Variants in DOCK3 observed in about 807,000 individuals in gnomAD.
DOCK3 encodes dedicator of cytokinesis 3, also known as dedicator of cytokinesis protein 3.
In DOCK3, 60 loss-of-function variants were observed where a neutral mutation model predicts 265.6. The observed-to-expected ratio is 0.23, with a 90% CI of 0.18 to 0.28. The LOEUF is 0.28. Among genes scored for constraint, DOCK3 ranks in the 10% least tolerant of loss-of-function variants. DOCK3 has a pLI of 1.00. For synonymous variants in DOCK3, 881 were observed against 938.0 expected, an observed-to-expected ratio of 0.94 and a Z score of 1.11; for missense variants, 1,981 against 2,594.3, an observed-to-expected ratio of 0.76 and a Z score of 5.14.
At chr3:51,356,919 TATC>T (rs1318047663) in intron 43 of DOCK3, 40 bp from the exon 44 acceptor site, 3 of 1,566,248 alleles carry the variant, frequency 1.9e-6, no homozygotes, top group Admixed American at 1.8e-5. Flanking sequence ...GATGAGGGGT[TATC>T]ATCATTTCTG....
intron 9 of DOCK3, among the ~76,000 whole-genome samples, chr3:51,094,423 A>AT (rs57116965): frequency 0.9 from 136,950 of 151,948 alleles, 61,897 homozygotes; most frequent in African/African-American, 0.95. Context: ...GAATTTATCC[A>AT]TTTTTTCTAT....
intron 9 of DOCK3, among the ~76,000 whole-genome samples, chr3:51,113,849 G>C (rs1330841819): frequency 6.6e-6 from 1 of 152,084 alleles, no homozygotes; most frequent in Non-Finnish European, 1.5e-5. Flanking sequence ...TGATTGTCAC[G>C]GCCTGTAATC....
intron 32 of DOCK3, among the ~76,000 whole-genome samples, chr3:51,321,425 C>T (rs996323849): frequency 3.9e-5 from 6 of 152,156 alleles, no homozygotes; most frequent in African/African-American, 1.4e-4. Flanking sequence ...TCTTCTCCTC[C>T]AGAGGATCAC....
At chr3:51,366,812 T>C (rs1487748945) in intron 49 of DOCK3, among the ~76,000 whole-genome samples, 1 of 152,238 alleles carries the variant, frequency 6.6e-6, no homozygotes, top group African/African-American at 2.4e-5. Flanking sequence ...AGTGAGTTTC[T>C]TAATCCTGAG....
intron 5 of DOCK3, among the ~76,000 whole-genome samples, chr3:50,948,640 GT>G (rs1462087672): frequency 8.1e-6 from 1 of 123,754 alleles, no homozygotes; most frequent in African/African-American, 3.0e-5. Context: ...TTTCCTCTTT[GT>G]TTCCTCTTTT....
chr3:51,254,763 C>G (rs1326523642), intron 22 of DOCK3, among the ~76,000 whole-genome samples: 2 of 152,112 alleles, frequency 1.3e-5, no homozygotes, highest in African/African-American at 2.4e-5. Flanking sequence ...ATGTGTGTCT[C>G]TGCATGTGAG....
At chr3:51,176,668 T>C (rs573202055) in intron 12 of DOCK3, among the ~76,000 whole-genome samples, 2 of 151,408 alleles carry the variant, frequency 1.3e-5, no homozygotes, top group African/African-American at 4.8e-5. Flanking sequence ...AAACATAGAG[T>C]CTTAATAAGG....
chr3:51,019,311 A>G lies in DOCK3; in HGVS notation c.316-45137A>G, dbSNP rs553880326. 6.2e-4 allele frequency among the ~76,000 whole-genome samples: 94 copies of G among 152,016 alleles called. 2 individuals are homozygous for G. The highest frequency in any genetic ancestry group is 2.2e-3 in the African/African-American group (92 of 41,308). On this transcript the variant is annotated intron_variant, in intron 5 of 52. Transcript: ENST00000266037. The stretch of plus-strand genomic sequence containing the variant: ...TTTTAGTCATGGAAATATGGGATCA[A>G]TTGATTAGTTGAACAGGCACCTCAT...
chr3:51,196,328 G>T (rs2088293298), intron 12 of DOCK3, among the ~76,000 whole-genome samples: 1 of 152,044 alleles, frequency 6.6e-6, no homozygotes, highest in South Asian at 2.1e-4. Context: ...CTGTTTTTGG[G>T]ATTTGCTCTT....
chr3:51,165,151 A>G (rs1320357886), intron 12 of DOCK3, among the ~76,000 whole-genome samples: 1 of 151,832 alleles, frequency 6.6e-6, no homozygotes, highest in Non-Finnish European at 1.5e-5. Flanking sequence ...GTTGGCTAGG[A>G]TGGTCTTGAT....
chr3:50,833,112 A>G (rs1004320605), intron 2 of DOCK3, among the ~76,000 whole-genome samples: 2 of 152,172 alleles, frequency 1.3e-5, no homozygotes, highest in African/African-American at 4.8e-5. Context: ...GCTGATCCCA[A>G]TATGTGCCCA....
intron 32 of DOCK3, among the ~76,000 whole-genome samples, chr3:51,321,758 G>A (rs2083744084): frequency 6.6e-6 from 1 of 152,084 alleles, no homozygotes; most frequent in Non-Finnish European, 1.5e-5. Context: ...ATAAAATAAA[G>A]CAAGAAGACA....
intron 11 of DOCK3, among the ~76,000 whole-genome samples, chr3:51,160,284 T>G (rs553377911): frequency 6.6e-6 from 1 of 152,366 alleles, no homozygotes; most frequent in Admixed American, 6.5e-5. Context: ...TCACTTTTAT[T>G]CTCATGTGAT....
intron 5 of DOCK3, among the ~76,000 whole-genome samples, chr3:51,031,026 T>C (rs1300640319): frequency 6.6e-6 from 1 of 152,242 alleles, no homozygotes; most frequent in African/African-American, 2.4e-5. Flanking sequence ...AAGGTATGCT[T>C]TGTACTTTTT....
intron 5 of DOCK3, among the ~76,000 whole-genome samples, chr3:50,960,823 C>T (rs1182047614): frequency 6.6e-6 from 1 of 151,980 alleles, no homozygotes; most frequent in Non-Finnish European, 1.5e-5. Context: ...TATATTTAGA[C>T]CTATAATCCA....
intron 2 of DOCK3, among the ~76,000 whole-genome samples, chr3:50,840,897 T>A (rs1326216447): frequency 6.6e-6 from 1 of 152,240 alleles, no homozygotes; most frequent in Non-Finnish European, 1.5e-5. Context: ...TTTCATAGCT[T>A]TGTTATTTTA....
At chr3:50,879,168 A>G (rs538518914) in intron 3 of DOCK3, among the ~76,000 whole-genome samples, 1 of 152,382 alleles carries the variant, frequency 6.6e-6, no homozygotes, top group South Asian at 2.1e-4. Context: ...TAGCCACTGC[A>G]AAAACATGCC....
chr3:51,383,466 T>C lies in DOCK3; in HGVS notation c.*1907T>C, dbSNP rs2088788424. The C allele has an allele frequency of 1.3e-5, 2 of 152,370 alleles. No homozygotes were observed. Among genetic ancestry groups the C allele is most frequent in the African/African-American group, 4.8e-5 (2 of 41,448 alleles). The allele number at this position is 152,370 out of a possible 1,614,324, so 9.4% of individuals were successfully genotyped here. On this transcript the variant is annotated 3_prime_UTR_variant, in exon 53 of 53. Transcript: ENST00000266037. ...TTAGGGGTTAGGGGCTAGTTTTGGA[T>C]TTGATTCATAGGTAGGAGGGCTTAG...
At chr3:50,691,078 C>T (rs755996022) in intron 1 of DOCK3, among the ~76,000 whole-genome samples, 2 of 151,502 alleles carry the variant, frequency 1.3e-5, no homozygotes, top group South Asian at 2.1e-4. Flanking sequence ...GTCAGGAGAT[C>T]GAGACCATCC....
Sources: gnomAD v4.1 joint callset for allele counts (sites outside exome capture counted in the v4.1 genomes callset) on GRCh38, gnomAD v4.1.1 for gene constraint, MANE v1.5 for transcripts, NCBI Gene and HGNC (gene_info 2026-07-23, HGNC 2026-07-21) for gene names.